TMTC2: variants seen among roughly 807,000 people sequenced by gnomAD.
The protein encoded by TMTC2 is transmembrane O-mannosyltransferase targeting cadherins 2, also known as protein O-mannosyl-transferase TMTC2.
TMTC2 carries 43 observed loss-of-function variants against 82.4 expected under a neutral mutation model. The observed-to-expected ratio is 0.52, with a 90% CI of 0.41 to 0.67. The LOEUF is 0.67. TMTC2 is among the 30% of genes least tolerant of loss of function. The pLI is 0.00. For missense variants in TMTC2, 919 were observed against 1,012.4 expected (o/e 0.91, Z 1.25); for synonymous variants, 408 against 381.9 (o/e 1.07, Z -0.80).
intron 11 of TMTC2, among the ~76,000 whole-genome samples, chr12:83,068,623 G>A (rs1883003149): frequency 6.6e-6 from 1 of 152,122 alleles, no homozygotes; most frequent in Non-Finnish European, 1.5e-5. Context: ...GACTTTATGA[G>A]TAAAATATGT....
chr12:82,867,939 C>T (rs1033920114), intron 2 of TMTC2, among the ~76,000 whole-genome samples: 6 of 152,052 alleles, frequency 3.9e-5, no homozygotes, highest in Admixed American at 1.3e-4. Flanking sequence ...ATAAGTCTAT[C>T]GGGGAAAGGC....
chr12:82,996,020 A>G lies in TMTC2; in HGVS notation c.2070+9974A>G, dbSNP rs149910915. On this transcript the variant is annotated intron_variant, in intron 8 of 11. Transcript: ENST00000321196. ...TCATGTACATAAATGCCTGACTTCA[A>G]AATGCATAAAAACATTTTGAAAAGA... 5.8e-3 allele frequency among the ~76,000 whole-genome samples: 884 copies of G among 152,360 alleles called. 6 individuals are homozygous for G. Among genetic ancestry groups the G allele is most frequent in the African/African-American group, 0.02 (833 of 41,590 alleles).
chr12:83,035,405 C>T (rs947408212), intron 9 of TMTC2, among the ~76,000 whole-genome samples: 5 of 152,144 alleles, frequency 3.3e-5, no homozygotes, highest in Admixed American at 3.3e-4. Context: ...CTGTGTGGTA[C>T]CTATAGTCTC....
intron 11 of TMTC2, among the ~76,000 whole-genome samples, chr12:83,087,806 C>G (rs981240637): frequency 2.0e-3 from 303 of 152,040 alleles, no homozygotes; most frequent in African/African-American, 6.9e-3. Context: ...TTATAGAGCA[C>G]AAGAGGAGAT....
intron 4 of TMTC2, among the ~76,000 whole-genome samples, chr12:82,947,081 G>A (rs753079017): frequency 7.6e-4 from 116 of 152,062 alleles, no homozygotes; most frequent in Non-Finnish European, 1.2e-3. Context: ...TTTCTGGTTA[G>A]AACAATCCAA....
chr12:82,984,929 G>A (rs1308328721), intron 7 of TMTC2, among the ~76,000 whole-genome samples: 1 of 151,986 alleles, frequency 6.6e-6, no homozygotes, highest in East Asian at 1.9e-4. Flanking sequence ...TGGCCAAAAT[G>A]CCTCACACTC....
At chr12:82,927,100 G>T (rs1044989552) in intron 3 of TMTC2, among the ~76,000 whole-genome samples, 1 of 152,186 alleles carries the variant, frequency 6.6e-6, no homozygotes, top group Non-Finnish European at 1.5e-5. Context: ...TAAGGATGTA[G>T]CTTCCATAGA....
chr12:83,080,971 T>A, intron 11 of TMTC2, among the ~76,000 whole-genome samples: 1 of 152,200 alleles, frequency 6.6e-6, no homozygotes, highest in Non-Finnish European at 1.5e-5. Flanking sequence ...ATATGTCAGT[T>A]GCTAAAACAA....
intron 1 of TMTC2, among the ~76,000 whole-genome samples, chr12:82,687,885 G>A (rs548480593): frequency 7.9e-5 from 12 of 152,326 alleles, no homozygotes; most frequent in African/African-American, 2.9e-4. Context: ...TTTGCAGCAG[G>A]TTCTCTCCCT....
At chr12:82,816,430 T>C (rs1430630001) in intron 1 of TMTC2, among the ~76,000 whole-genome samples, 1 of 152,058 alleles carries the variant, frequency 6.6e-6, no homozygotes, top group Non-Finnish European at 1.5e-5. Flanking sequence ...GTTAATTCTT[T>C]GGGGGGCCGC....
Position 82,857,376 on chromosome 12 carries a change from C to T in TMTC2, c.450C>T (p.Leu150=). 2 of 1,614,216 alleles carry T rather than the reference C, an allele frequency of 1.2e-6. No individual in the cohort carries two copies. Among genetic ancestry groups the T allele is most frequent in the Non-Finnish European group, 1.7e-6 (2 of 1,180,038 alleles). ...TCGGGGCCAGTCTCTTCTTTCTCCT[C>T]TCCTTGCTCTGCTACATTAAACACT... ...ADVGASLFFL[L]SLLCYIKHCS... Residue 150 remains leucine (L), a synonymous_variant, in exon 2 of 12, where the codon CTC becomes CTT. Coordinates refer to ENST00000321196, the MANE Select transcript of TMTC2 (RefSeq NM_152588.3).
In TMTC2 at chr12:82,857,274, A is replaced by C; in HGVS notation, c.348A>C (p.Thr116=). 2 of 1,614,168 alleles carry C rather than the reference A, an allele frequency of 1.2e-6. No homozygotes were observed. Among genetic ancestry groups the C allele is most frequent in the Non-Finnish European group, 1.7e-6 (2 of 1,180,042 alleles). ...SKILLGDGYW[T]FMAGLMFASH... The stretch of plus-strand genomic sequence containing the variant: ...TCCTCCTTGGTGATGGATACTGGAC[A>C]TTCATGGCTGGCTTGATGTTTGCTT... The change falls in exon 2 of 12, where the codon ACA becomes ACC. Residue 116 remains threonine, a synonymous_variant. Transcript: ENST00000321196.
intron 1 of TMTC2, among the ~76,000 whole-genome samples, chr12:82,712,319 A>T (rs373891943): frequency 6.6e-6 from 1 of 151,152 alleles, no homozygotes; most frequent in East Asian, 2.0e-4. Flanking sequence ...AATCCCAGCT[A>T]CTCGGGAGGC....
At chr12:82,735,087 CAAATG>C (rs929662971) in intron 1 of TMTC2, among the ~76,000 whole-genome samples, 1 of 152,170 alleles carries the variant, frequency 6.6e-6, no homozygotes, top group African/African-American at 2.4e-5. Context: ...GGCTGAGACT[CAAATG>C]AAGTGAGAGA....
intron 9 of TMTC2, among the ~76,000 whole-genome samples, chr12:83,033,341 T>TA (rs772824826): frequency 6.6e-6 from 1 of 152,268 alleles, no homozygotes; most frequent in Non-Finnish European, 1.5e-5. Flanking sequence ...AATTATGTAA[T>TA]ATAACCTGTC....
chr12:82,713,948 G>C (rs1873770278), intron 1 of TMTC2, among the ~76,000 whole-genome samples: 1 of 152,192 alleles, frequency 6.6e-6, no homozygotes, highest in Admixed American at 6.5e-5. Flanking sequence ...CACTTGATAG[G>C]TGCCAGCCTG....
intron 1 of TMTC2, among the ~76,000 whole-genome samples, chr12:82,816,570 T>G (rs1345982810): frequency 6.6e-6 from 1 of 152,098 alleles, no homozygotes; most frequent in Non-Finnish European, 1.5e-5. Flanking sequence ...AATATGTGTT[T>G]GCTATATCAG....
At chr12:82,902,088 G>C (rs1006466545) in intron 3 of TMTC2, among the ~76,000 whole-genome samples, 3 of 152,170 alleles carry the variant, frequency 2.0e-5, no homozygotes, top group Non-Finnish European at 4.4e-5. Context: ...ACAAGGCTGA[G>C]ATCTTTCCCT....
intron 1 of TMTC2, among the ~76,000 whole-genome samples, chr12:82,782,283 T>C (rs1877946334): frequency 6.6e-6 from 1 of 152,076 alleles, no homozygotes; most frequent in Non-Finnish European, 1.5e-5. Flanking sequence ...GGTTAAGAAA[T>C]ATTTATATTA....
Sources: allele counts gnomAD v4.1 joint callset (sites outside exome capture counted in the v4.1 genomes callset), GRCh38; gene constraint gnomAD v4.1.1; transcripts MANE v1.5; gene names NCBI Gene and HGNC (gene_info 2026-07-23, HGNC 2026-07-21).